Variants in MGMT observed in about 807,000 individuals in gnomAD.
MGMT encodes the protein O-6-methylguanine-DNA methyltransferase.
Under a neutral mutation model 15.9 loss-of-function variants are expected in MGMT, and 14 were observed. The observed-to-expected ratio is 0.88, with a 90% CI of 0.58 to 1.37. The LOEUF (loss-of-function observed/expected upper bound fraction) is 1.37. Ranked by LOEUF, MGMT falls within the 40% of genes most tolerant of loss-of-function variation. The probability of loss-of-function intolerance (pLI) is 0.00; values close to 1 mark genes in which losing one functional copy is unlikely to be tolerated. For missense variants in MGMT, 282 were observed against 268.1 expected, an observed-to-expected ratio of 1.05 and a Z score of -0.36; for synonymous variants, 130 against 118.2, an observed-to-expected ratio of 1.10 and a Z score of -0.65.
intron 2 of MGMT, among the ~76,000 whole-genome samples, chr10:129,567,353 G>A (rs942127241): frequency 1.3e-5 from 2 of 151,892 alleles, no homozygotes; most frequent in African/African-American, 2.4e-5. Flanking sequence ...CAGCAGGACA[G>A]ACCCCCCCAG....
chr10:129,602,932 T>C lies in MGMT; in HGVS notation c.125+66555T>C, dbSNP rs1338594932. Among the ~76,000 whole-genome samples the C allele has an allele frequency of 2.0e-5, 3 of 152,186 alleles. No individual in the cohort carries two copies. In the South Asian group the frequency reaches 6.2e-4, roughly 32 times the overall value. On this transcript the variant is annotated intron_variant, in intron 2 of 4. Coordinates refer to ENST00000651593, the MANE Select transcript of MGMT (RefSeq NM_002412.5). ...CATCTTTAAGATATTAGCATGTGGA[T>C]ACCGAGGTTCCACACAAAGCAAACA...
At chr10:129,707,300 G>A (rs1848175637) in intron 2 of MGMT, among the ~76,000 whole-genome samples, 1 of 151,862 alleles carries the variant, frequency 6.6e-6, no homozygotes, top group Non-Finnish European at 1.5e-5. Flanking sequence ...CAAACACCAG[G>A]AAGGTTTGAG....
intron 2 of MGMT, among the ~76,000 whole-genome samples, chr10:129,636,302 CTG>C (rs1476730359): frequency 6.6e-6 from 1 of 152,196 alleles, no homozygotes; most frequent in Non-Finnish European, 1.5e-5. Flanking sequence ...CTCAGGACTG[CTG>C]TAAGAGTGGA....
At chr10:129,615,958 T>C (rs908729299) in intron 2 of MGMT, among the ~76,000 whole-genome samples, 1 of 151,876 alleles carries the variant, frequency 6.6e-6, no homozygotes, top group Non-Finnish European at 1.5e-5. Flanking sequence ...TGCTGTTGGG[T>C]GTTGAAGAGG....
At chr10:129,559,245 C>T (rs1377310376) in intron 2 of MGMT, among the ~76,000 whole-genome samples, 3 of 152,050 alleles carry the variant, frequency 2.0e-5, no homozygotes, top group African/African-American at 2.4e-5. Context: ...GTACACCACA[C>T]GTCCAATATT....
intron 1 of MGMT, among the ~76,000 whole-genome samples, chr10:129,495,915 A>G (rs1845516162): frequency 6.6e-6 from 1 of 152,180 alleles, no homozygotes; most frequent in Non-Finnish European, 1.5e-5. Context: ...TGTCCTCCCC[A>G]GCGTCCAGCA....
At chr10:129,678,956 C>T (rs1457616906) in intron 2 of MGMT, among the ~76,000 whole-genome samples, 1 of 151,818 alleles carries the variant, frequency 6.6e-6, no homozygotes, top group East Asian at 1.9e-4. Context: ...ACCTGTAATC[C>T]CAGCTACTCG....
chr10:129,738,239 C>T (rs766299116), intron 3 of MGMT, among the ~76,000 whole-genome samples: 10 of 152,320 alleles, frequency 6.6e-5, no homozygotes, highest in Middle Eastern at 3.4e-3. Context: ...AAGCCAGGTG[C>T]GGGATATAAT....
At chr10:129,651,531 A>G (rs1407100726) in intron 2 of MGMT, among the ~76,000 whole-genome samples, 1 of 152,164 alleles carries the variant, frequency 6.6e-6, no homozygotes, top group Non-Finnish European at 1.5e-5. Context: ...CATCTGCTAC[A>G]TTTAGCCAGA....
chr10:129,638,649 TAGAAC>T (rs1007642139), intron 2 of MGMT, among the ~76,000 whole-genome samples: 14 of 152,124 alleles, frequency 9.2e-5, no homozygotes, highest in African/African-American at 3.1e-4. Flanking sequence ...GAAAATAACT[TAGAAC>T]AGAGTTTTAT....
intron 4 of MGMT, 40 bp from the exon 5 acceptor site, chr10:129,766,748 C>T: frequency 1.3e-6 from 2 of 1,576,722 alleles, no homozygotes; most frequent in Non-Finnish European, 1.7e-6. Context: ...CCTCGTTGTC[C>T]AGATCCCTGA....
chr10:129,767,176 A>G lies in MGMT; in HGVS notation c.*179A>G. 2 of 548,888 alleles carry G rather than the reference A, an allele frequency of 3.6e-6. No homozygotes were observed. Among genetic ancestry groups the G allele is most frequent in the Non-Finnish European group, 6.3e-6 (2 of 316,936 alleles). The allele number at this position is 548,888 out of a possible 1,614,324, so 34.0% of individuals were successfully genotyped here. Reference sequence around the variant, plus strand: ...TTCAGACGCCCGCGGTCCTGCACACATTTGTTTCCTTCTCTAACGCTGCCC... The same window carrying G: ...TTCAGACGCCCGCGGTCCTGCACACGTTTGTTTCCTTCTCTAACGCTGCCC... On this transcript the variant is annotated 3_prime_UTR_variant, in exon 5 of 5. Coordinates refer to ENST00000651593, the MANE Select transcript of MGMT (RefSeq NM_002412.5).
chr10:129,687,305 T>G (rs1260665227), intron 2 of MGMT, among the ~76,000 whole-genome samples: 1 of 152,158 alleles, frequency 6.6e-6, no homozygotes, highest in African/African-American at 2.4e-5. Flanking sequence ...GTCTCACCAA[T>G]GCACCACAAC....
intron 4 of MGMT, among the ~76,000 whole-genome samples, chr10:129,763,012 C>G (rs986685988): frequency 6.6e-6 from 1 of 152,100 alleles, no homozygotes; most frequent in African/African-American, 2.4e-5. Flanking sequence ...AAAAAATATT[C>G]AGCCGGTACC....
In MGMT at chr10:129,689,964, G is replaced by T. The variant is rs567014627; in HGVS notation, c.126-17931G>T. ...CAAGATATTAAAATTGAGTCCTTGT[G>T]TGCCAAAGTCGTAAACTCATTCAGA... On this transcript the variant is annotated intron_variant, in intron 2 of 4. Transcript: ENST00000651593. Among the ~76,000 whole-genome samples the T allele has an allele frequency of 1.2e-4, 18 of 152,342 alleles. No individual in the cohort carries two copies. The East Asian group carries it at 3.1e-3, about 26-fold the overall frequency.
At chr10:129,504,482 T>G (rs1400910122) in intron 1 of MGMT, among the ~76,000 whole-genome samples, 1 of 152,232 alleles carries the variant, frequency 6.6e-6, no homozygotes, top group East Asian at 1.9e-4. Flanking sequence ...TTTGAATGTG[T>G]TGCAGGACAG....
At chr10:129,534,081 C>T (rs1564844823) in intron 1 of MGMT, among the ~76,000 whole-genome samples, 1 of 152,126 alleles carries the variant, frequency 6.6e-6, no homozygotes, top group African/African-American at 2.4e-5. Context: ...CTCGTGCCGA[C>T]GTTGTGATTT....
rs1327900547 is a variant in MGMT at position 129,754,898 on chromosome 10, T to A, written c.275-4304T>A. On this transcript the variant is annotated intron_variant, in intron 3 of 4. Coordinates refer to ENST00000651593, the MANE Select transcript of MGMT (RefSeq NM_002412.5). ...AACACATTGAAACCTTAGCAGCAGG[T>A]GATGCTTTTCCTTCCTCAAAGTGGA... Among the ~76,000 whole-genome samples, 7 of 144,432 alleles carry A rather than the reference T, an allele frequency of 4.8e-5. No individual in the cohort carries two copies. In the Admixed American group the frequency reaches 4.9e-4, roughly 10 times the overall value. 94.8% of individuals were successfully genotyped at this position (144,432 alleles called of 152,430 possible).
chr10:129,672,276 T>C (rs1725684137), intron 2 of MGMT, among the ~76,000 whole-genome samples: 1 of 152,272 alleles, frequency 6.6e-6, no homozygotes, highest in Admixed American at 6.5e-5. Flanking sequence ...AAGTCAGCTC[T>C]TCTTTCAAGT....
Sources: allele counts gnomAD v4.1 joint callset (sites outside exome capture counted in the v4.1 genomes callset), GRCh38; gene constraint gnomAD v4.1.1; transcripts MANE v1.5; gene names NCBI Gene and HGNC (gene_info 2026-07-23, HGNC 2026-07-21).